The following MAP4 variants were observed in gnomAD, a reference collection of about 807,000 sequenced individuals.
MAP4 encodes microtubule associated protein 4.
Under a neutral mutation model 170.2 loss-of-function variants are expected in MAP4, and 76 were observed. That is an observed-to-expected ratio of 0.45 (90% CI 0.37 to 0.54). MAP4 has a LOEUF of 0.54. Among genes scored for constraint, MAP4 ranks in the 20% least tolerant of loss-of-function variants. The pLI is 0.00. For missense variants in MAP4, 2,506 were observed against 2,748.0 expected (o/e 0.91, Z 1.97); for synonymous variants, 909 against 994.5 (o/e 0.91, Z 1.62).
chr3:48,036,516 T>A (rs1355915486), intron 1 of MAP4, among the ~76,000 whole-genome samples: 1 of 152,218 alleles, frequency 6.6e-6, no homozygotes, highest in Non-Finnish European at 1.5e-5. Flanking sequence ...ATGTGCCTTC[T>A]GTCTTCGTAG....
chr3:47,893,084 C>T (rs947251558), intron 10 of MAP4, among the ~76,000 whole-genome samples: 3 of 150,890 alleles, frequency 2.0e-5, no homozygotes, highest in Non-Finnish European at 4.4e-5. Flanking sequence ...GGCATTCATT[C>T]TCAGAGGAAG....
At chr3:48,007,992 C>G (rs972192596) in intron 1 of MAP4, among the ~76,000 whole-genome samples, 2 of 152,072 alleles carry the variant, frequency 1.3e-5, no homozygotes, top group African/African-American at 4.8e-5. Flanking sequence ...TGTTACTGGG[C>G]TTTAGTGGAA....
intron 10 of MAP4, among the ~76,000 whole-genome samples, chr3:47,884,902 A>AG (rs1019896977): frequency 1.6e-4 from 24 of 152,266 alleles, no homozygotes; most frequent in Non-Finnish European, 3.1e-4. Context: ...GTTACCTGGT[A>AG]GGGGACAGGC....
At chr3:47,954,406 ATTG>A (rs2100066446) in intron 3 of MAP4, among the ~76,000 whole-genome samples, 2 of 152,192 alleles carry the variant, frequency 1.3e-5, no homozygotes, top group African/African-American at 4.8e-5. Context: ...TTTGGCAGTA[ATTG>A]ATCACACAGT....
intron 1 of MAP4, among the ~76,000 whole-genome samples, chr3:48,031,655 GC>G (rs2100116179): frequency 6.6e-6 from 1 of 151,962 alleles, no homozygotes; most frequent in Non-Finnish European, 1.5e-5. Flanking sequence ...GGCCCTGGAG[GC>G]CAGGGTTGCG....
intron 18 of MAP4, 58 bp downstream of exon 18, chr3:47,857,373 G>A: frequency 7.0e-7 from 1 of 1,429,040 alleles, no homozygotes; most frequent in African/African-American, 1.4e-5. Context: ...CTGCCCAGCT[G>A]ACCCATGGCA....
At chr3:47,949,890 A>G (rs1040411151) in intron 3 of MAP4, among the ~76,000 whole-genome samples, 3 of 60,290 alleles carry the variant, frequency 5.0e-5, no homozygotes, top group African/African-American at 4.3e-4. Flanking sequence ...GGGATACCAC[A>G]ATGAGTGGCT....
chr3:47,966,164 C>CA, intron 3 of MAP4, among the ~76,000 whole-genome samples: 1 of 150,338 alleles, frequency 6.7e-6, no homozygotes, highest in East Asian at 1.9e-4. Context: ...GCCTTGAACT[C>CA]CTCAGCTCAA....
chr3:47,888,280 T>A (rs1406801986), intron 10 of MAP4, among the ~76,000 whole-genome samples: 1 of 152,158 alleles, frequency 6.6e-6, no homozygotes, highest in African/African-American at 2.4e-5. Context: ...CCAGCACTGG[T>A]AACCCGCTCG....
Position 48,010,238 on chromosome 3 carries a change from A to G in MAP4, c.-20+6096T>C, listed in dbSNP as rs146538978. Among the ~76,000 whole-genome samples the G allele has an allele frequency of 2.3e-3, 343 of 152,322 alleles. 2 individuals carry two copies. Among genetic ancestry groups the G allele is most frequent in the African/African-American group, 8.0e-3 (332 of 41,568 alleles). ...GGTATTTGGGGAAGGCAAAGTTAATACAGAATGGGTAGAAGAAGGTAGTCA... is the reference window on the plus strand; with the variant it reads ...GGTATTTGGGGAAGGCAAAGTTAATGCAGAATGGGTAGAAGAAGGTAGTCA... On this transcript the variant is annotated intron_variant, in intron 1 of 20. Transcript: ENST00000683076.
intron 1 of MAP4, among the ~76,000 whole-genome samples, chr3:48,015,401 A>T (rs972565467): frequency 3.3e-5 from 5 of 152,228 alleles, no homozygotes; most frequent in Non-Finnish European, 7.3e-5. Context: ...TAAAGCCAAC[A>T]CTAAGCTGCT....
intron 1 of MAP4, among the ~76,000 whole-genome samples, chr3:48,085,831 C>T (rs984855257): frequency 1.1e-4 from 16 of 151,888 alleles, no homozygotes; most frequent in Admixed American, 3.9e-4. Flanking sequence ...CCGAGGCAGG[C>T]GGAACACGAG....
chr3:48,086,081 T>G (rs994687388), intron 1 of MAP4, among the ~76,000 whole-genome samples: 2 of 150,540 alleles, frequency 1.3e-5, no homozygotes, highest in African/African-American at 4.9e-5. Context: ...TGTGTGTATA[T>G]GTATGTATGT....
At chr3:48,059,255 C>T (rs746344601) in intron 1 of MAP4, among the ~76,000 whole-genome samples, 11 of 152,010 alleles carry the variant, frequency 7.2e-5, no homozygotes, top group Non-Finnish European at 1.3e-4. Flanking sequence ...GTGGCTCACA[C>T]CTTAATCCCA....
At chr3:47,892,261 G>A in intron 10 of MAP4, 1 of 1,536,334 alleles carries the variant, frequency 6.5e-7, no homozygotes, top group Non-Finnish European at 8.7e-7. Context: ...CAAAAAAGCA[G>A]AGCTTGTTCT....
intron 1 of MAP4, among the ~76,000 whole-genome samples, chr3:48,009,007 T>C (rs1277601072): frequency 2.6e-5 from 4 of 152,230 alleles, no homozygotes; most frequent in East Asian, 1.9e-4. Context: ...CTCACTCAAA[T>C]AGACACTTAC....
intron 9 of MAP4, among the ~76,000 whole-genome samples, chr3:47,908,189 T>G (rs1369578933): frequency 6.8e-6 from 1 of 147,576 alleles, no homozygotes; most frequent in Non-Finnish European, 1.5e-5. Context: ...AAGCCACGAT[T>G]AAATGTATAC....
chr3:48,074,676 T>TTTTG (rs746281743), intron 1 of MAP4, among the ~76,000 whole-genome samples: 1,499 of 90,624 alleles, frequency 0.017, 73 homozygotes, highest in Middle Eastern at 0.02. Flanking sequence ...ATCCAGCTAA[T>TTTTG]TGTGTGTGTG....
Position 47,924,715 on chromosome 3 carries a change from T to C in MAP4, c.416-2837A>G, listed in dbSNP as rs144801203. ...CCTGTTAAGATGGCTTACGTGGCCGTTGAATGGAGGCCTCTGCTCCTCTCC... is the reference window on the plus strand; with the variant it reads ...CCTGTTAAGATGGCTTACGTGGCCGCTGAATGGAGGCCTCTGCTCCTCTCC... On this transcript the variant is annotated intron_variant, in intron 4 of 20. Coordinates refer to ENST00000683076, the MANE Select transcript of MAP4 (RefSeq NM_001385682.1). 4.1e-3 allele frequency among the ~76,000 whole-genome samples: 623 copies of C among 152,260 alleles called. 5 individuals are homozygous for C. The highest frequency in any genetic ancestry group is 0.014 in the African/African-American group (588 of 41,544).
Sources: allele counts gnomAD v4.1 joint callset (sites outside exome capture counted in the v4.1 genomes callset), GRCh38; gene constraint gnomAD v4.1.1; transcripts MANE v1.5; gene names NCBI Gene and HGNC (gene_info 2026-07-23, HGNC 2026-07-21).